The following DCC variants were observed in gnomAD, a reference collection of about 807,000 sequenced individuals.
DCC encodes netrin receptor DCC.
A neutral mutation model predicts 172.5 loss-of-function variants in DCC; 58 were observed. The observed-to-expected ratio is 0.34, with a 90% CI of 0.27 to 0.42. The LOEUF (loss-of-function observed/expected upper bound fraction) is 0.42. Among genes scored for constraint, DCC ranks in the 10% least tolerant of loss-of-function variants. The pLI is 1.00. For synonymous variants in DCC, 709 were observed against 644.5 expected (o/e 1.10, Z -1.52); for missense variants, 1,740 against 1,791.0 (o/e 0.97, Z 0.51).
intron 3 of DCC, among the ~76,000 whole-genome samples, chr18:52,908,647 T>C (rs1423234926): frequency 6.6e-6 from 1 of 152,164 alleles, no homozygotes; most frequent in Admixed American, 6.5e-5. Flanking sequence ...CAAATCCCCA[T>C]TTACCTTTGT....
At chr18:53,243,484 G>A (rs1251942241) in intron 12 of DCC, among the ~76,000 whole-genome samples, 4 of 152,126 alleles carry the variant, frequency 2.6e-5, no homozygotes, top group Non-Finnish European at 5.9e-5. Context: ...CCCACCAGAG[G>A]CTAACAAATG....
intron 12 of DCC, among the ~76,000 whole-genome samples, chr18:53,240,931 G>T (rs772771771): frequency 3.3e-5 from 5 of 152,142 alleles, no homozygotes; most frequent in Non-Finnish European, 7.4e-5. Context: ...TTGTTTAAAT[G>T]CATAGAAGTA....
At chr18:52,967,751 T>C (rs141120448) in intron 5 of DCC, among the ~76,000 whole-genome samples, 2,049 of 152,284 alleles carry the variant, frequency 0.013, 61 homozygotes, top group African/African-American at 0.047. Context: ...TTCAAAAATA[T>C]ATTCGGTATA....
chr18:52,411,847 C>A (rs1256659783), intron 1 of DCC, among the ~76,000 whole-genome samples: 6 of 152,114 alleles, frequency 3.9e-5, no homozygotes, highest in Non-Finnish European at 8.8e-5. Context: ...ATTGGGCTTA[C>A]CTGTCCCCAA....
intron 1 of DCC, among the ~76,000 whole-genome samples, chr18:52,702,777 G>A (rs1185743153): frequency 6.6e-6 from 1 of 152,040 alleles, no homozygotes; most frequent in East Asian, 1.9e-4. Context: ...ACTTTCTAAG[G>A]TCTATATCTG....
intron 1 of DCC, among the ~76,000 whole-genome samples, chr18:52,478,900 G>T (rs1437502617): frequency 6.6e-6 from 1 of 152,036 alleles, no homozygotes; most frequent in Non-Finnish European, 1.5e-5. Context: ...ATTTGTGAGG[G>T]GACACAGATC....
At chr18:53,304,482 A>G (rs940916648) in intron 12 of DCC, among the ~76,000 whole-genome samples, 10 of 152,294 alleles carry the variant, frequency 6.6e-5, no homozygotes, top group African/African-American at 2.2e-4. Flanking sequence ...GGAAGAAGAC[A>G]TGGGTAGCTC....
chr18:53,101,432 G>C (rs1472892211), intron 7 of DCC, among the ~76,000 whole-genome samples: 1 of 152,060 alleles, frequency 6.6e-6, no homozygotes, highest in African/African-American at 2.4e-5. Context: ...TAAATCAGCA[G>C]ACCTTGGGAC....
intron 9 of DCC, among the ~76,000 whole-genome samples, chr18:53,196,933 G>A (rs182330417): frequency 6.6e-6 from 1 of 152,004 alleles, no homozygotes; most frequent in Non-Finnish European, 1.5e-5. Context: ...ACTATGTACA[G>A]TTCAGTCAAG....
intron 5 of DCC, among the ~76,000 whole-genome samples, chr18:52,963,104 T>C (rs2040870271): frequency 6.6e-6 from 1 of 151,592 alleles, no homozygotes; most frequent in Non-Finnish European, 1.5e-5. Flanking sequence ...ATTATAATTA[T>C]AATAAAATTA....
intron 1 of DCC, among the ~76,000 whole-genome samples, chr18:52,434,356 A>C (rs978616759): frequency 3.9e-5 from 6 of 152,196 alleles, no homozygotes; most frequent in African/African-American, 1.4e-4. Context: ...CTTACAACAC[A>C]CAGGGCAGCC....
At chr18:53,194,165 A>G in intron 9 of DCC, among the ~76,000 whole-genome samples, 1 of 152,210 alleles carries the variant, frequency 6.6e-6, no homozygotes, top group Non-Finnish European at 1.5e-5. Context: ...AGATTTTTGC[A>G]TGCAGAAATA....
At chr18:52,878,412 CTT>C (rs140945456) in intron 2 of DCC, among the ~76,000 whole-genome samples, 4,725 of 152,246 alleles carry the variant, frequency 0.031, 121 homozygotes, top group South Asian at 0.086. Flanking sequence ...CCTTGAAAGA[CTT>C]TAGAGTAGGT....
intron 1 of DCC, among the ~76,000 whole-genome samples, chr18:52,418,846 CTTTCTTTCTTTCTT>C (rs1285571054): frequency 8.2e-6 from 1 of 121,916 alleles, no homozygotes; most frequent in Non-Finnish European, 1.7e-5. Context: ...CTTTTTCTTT[CTTTCTTTCTTTCTT>C]TTTTTTTTTT....
intron 1 of DCC, among the ~76,000 whole-genome samples, chr18:52,661,871 A>G (rs188803742): frequency 3.4e-4 from 52 of 152,358 alleles, no homozygotes; most frequent in Non-Finnish European, 5.9e-4. Context: ...TTAAGCAATC[A>G]TATAGTAAGA....
intron 21 of DCC, among the ~76,000 whole-genome samples, chr18:53,421,310 C>T (rs557400295): frequency 2.0e-4 from 30 of 152,228 alleles, no homozygotes; most frequent in Middle Eastern, 3.4e-3. Flanking sequence ...GGTGCTATGG[C>T]GATGATACAG....
At chr18:52,642,495 T>A (rs1335325038) in intron 1 of DCC, among the ~76,000 whole-genome samples, 22 of 152,106 alleles carry the variant, frequency 1.4e-4, no homozygotes, top group Admixed American at 1.4e-3. Context: ...TTTTAAAAAT[T>A]AAACTTGCTC....
At chr18:52,734,737 A>G (rs917792973) in intron 1 of DCC, among the ~76,000 whole-genome samples, 1 of 152,164 alleles carries the variant, frequency 6.6e-6, no homozygotes. Flanking sequence ...AAAGATGGAA[A>G]GATATTCTCC....
chr18:53,153,549 A>C (rs922684718), intron 7 of DCC, among the ~76,000 whole-genome samples: 1 of 151,712 alleles, frequency 6.6e-6, no homozygotes, highest in Admixed American at 6.6e-5. Context: ...ATTTTTTCAG[A>C]CTCTGTTTTA....
Sources: allele counts gnomAD v4.1 joint callset (sites outside exome capture counted in the v4.1 genomes callset), GRCh38; gene constraint gnomAD v4.1.1; transcripts MANE v1.5; gene names NCBI Gene and HGNC (gene_info 2026-07-23, HGNC 2026-07-21).